TMEM245: variants seen among roughly 807,000 people sequenced by gnomAD.
The protein encoded by TMEM245 is protein CG-2.
Under a neutral mutation model 101.2 loss-of-function variants are expected in TMEM245, and 69 were observed. That is an observed-to-expected ratio of 0.68 (90% CI 0.56 to 0.83). The LOEUF is 0.83. TMEM245 is among the 40% of genes least tolerant of loss of function. TMEM245 has a pLI of 0.00. For missense variants in TMEM245, 1,075 were observed against 1,092.8 expected (o/e 0.98, Z 0.23); for synonymous variants, 537 against 449.8 (o/e 1.19, Z -2.45).
At chr9:109,041,747 C>T (rs769540798) in intron 14 of TMEM245, among the ~76,000 whole-genome samples, 4 of 151,894 alleles carry the variant, frequency 2.6e-5, no homozygotes, top group Admixed American at 1.3e-4. Flanking sequence ...AAAAATGGTA[C>T]GTGAAGTAAT....
In TMEM245 at chr9:109,033,306, C is replaced by A; in HGVS notation, c.2594+1G>T. 1 of 1,601,652 alleles carries A rather than the reference C, an allele frequency of 6.2e-7. No homozygotes were observed. Among genetic ancestry groups the A allele is most frequent in the Non-Finnish European group, 8.5e-7 (1 of 1,174,468 alleles). On this transcript the variant is annotated splice_donor_variant, in intron 17 of 17. Transcript: ENST00000374586. LOFTEE classifies it high-confidence loss of function. ...CTTATGATTATTCTGCTTTAACTCA[C>A]CGCTGAGGCTGAGCAGGCCATGGGG...
chr9:109,055,447 G>C (rs952311244), intron 12 of TMEM245, among the ~76,000 whole-genome samples: 2 of 152,110 alleles, frequency 1.3e-5, no homozygotes, highest in Non-Finnish European at 2.9e-5. Context: ...AGGATCACCA[G>C]ACAGGTAACA....
intron 3 of TMEM245, among the ~76,000 whole-genome samples, chr9:109,096,123 T>A (rs747937577): frequency 2.0e-5 from 3 of 152,200 alleles, no homozygotes; most frequent in Non-Finnish European, 4.4e-5. Flanking sequence ...AGAGAATATA[T>A]AGCAGAGCTG....
chr9:109,080,696 T>C (rs1409164268), intron 8 of TMEM245, 143 bp downstream of exon 8: 3 of 513,276 alleles, frequency 5.8e-6, no homozygotes, highest in Non-Finnish European at 1.0e-5. Flanking sequence ...ATTAGTAATA[T>C]ACAAATCATA....
chr9:109,023,150 G>T (rs1025557787), intron 17 of TMEM245, among the ~76,000 whole-genome samples: 1 of 152,212 alleles, frequency 6.6e-6, no homozygotes, highest in East Asian at 1.9e-4. Context: ...CAAGCTTAGA[G>T]ATCAGTTACT....
intron 17 of TMEM245, among the ~76,000 whole-genome samples, chr9:109,031,030 A>G (rs1827929981): frequency 6.6e-6 from 1 of 152,266 alleles, no homozygotes; most frequent in Non-Finnish European, 1.5e-5. Context: ...GTGTTTTCCA[A>G]TTGCAGATAA....
chr9:109,061,926 T>C (rs747972272), intron 10 of TMEM245, among the ~76,000 whole-genome samples: 25 of 151,944 alleles, frequency 1.6e-4, no homozygotes, highest in Non-Finnish European at 2.8e-4. Flanking sequence ...TTTTACATAG[T>C]TTTTAAGGAT....
chr9:109,049,855 C>A (rs372369429), intron 14 of TMEM245, among the ~76,000 whole-genome samples: 1 of 151,998 alleles, frequency 6.6e-6, no homozygotes, highest in Non-Finnish European at 1.5e-5. Context: ...AGCGCAGTGG[C>A]GTGATCACAG....
At chr9:109,040,490 T>C (rs918966321) in intron 14 of TMEM245, among the ~76,000 whole-genome samples, 6 of 152,296 alleles carry the variant, frequency 3.9e-5, no homozygotes, top group Non-Finnish European at 8.8e-5. Context: ...TGCCCTTCTA[T>C]TGTCAAACCC....
chr9:109,073,438 C>A lies in TMEM245; in HGVS notation c.1450G>T (p.Val484Leu). Residue 484 changes from valine (V) to leucine (L), a missense_variant and splice_region_variant, in exon 9 of 18, where the codon GTA becomes TTA. Val to Leu is a conservative substitution (Grantham distance 32). Around this residue, in one of 2 missense-constraint regions of TMEM245, gnomAD observed 808 missense variants for 741.5 expected, o/e 1.09. Transcript: ENST00000374586. ...LLLALLLTAKVHQESVHMIEV... is the reference protein window; with the variant it reads ...LLLALLLTAKLHQESVHMIEV... ...ATCATGTGTACACTCTCTTGATGTA[C>A]CTGTATTACAGATAAAGAAAGAAAA... is the stretch of plus-strand genomic sequence containing the variant. 6.3e-7 allele frequency: 1 copy of A among 1,596,762 alleles called. No individual in the cohort carries two copies. The highest frequency in any genetic ancestry group is 8.6e-7 in the Non-Finnish European group (1 of 1,167,728).
intron 15 of TMEM245, among the ~76,000 whole-genome samples, chr9:109,037,169 T>C (rs1410885442): frequency 1.3e-5 from 2 of 152,106 alleles, no homozygotes; most frequent in African/African-American, 2.4e-5. Flanking sequence ...GAAGGAAAAG[T>C]AGAAGAAGCA....
At chr9:109,064,764 C>A (rs989968124) in intron 9 of TMEM245, among the ~76,000 whole-genome samples, 197 bp from the exon 10 acceptor site, 1 of 152,114 alleles carries the variant, frequency 6.6e-6, no homozygotes, top group African/African-American at 2.4e-5. Context: ...TCCTTTCAAT[C>A]TTTCCTTAGC....
intron 5 of TMEM245, among the ~76,000 whole-genome samples, chr9:109,090,384 T>C (rs1829963645): frequency 6.6e-6 from 1 of 152,084 alleles, no homozygotes; most frequent in African/African-American, 2.4e-5. Context: ...TAATCTCAAA[T>C]ACTACATGAA....
At chr9:109,033,915 T>C (rs1258725914) in intron 16 of TMEM245, among the ~76,000 whole-genome samples, 2 of 152,260 alleles carry the variant, frequency 1.3e-5, no homozygotes, top group Non-Finnish European at 2.9e-5. Flanking sequence ...TGCTTTTATA[T>C]GACGACAGCA....
chr9:109,038,187 G>A (rs1241341045), intron 14 of TMEM245, 70 bp from the exon 15 acceptor site: 1 of 1,194,168 alleles, frequency 8.4e-7, no homozygotes, highest in Non-Finnish European at 1.2e-6. Flanking sequence ...AAAATCACGT[G>A]ACCACTTGAT....
chr9:109,114,722 C>G (rs990266406), intron 1 of TMEM245, among the ~76,000 whole-genome samples: 1 of 152,202 alleles, frequency 6.6e-6, no homozygotes, highest in Non-Finnish European at 1.5e-5. Context: ...TGAGGAAGAT[C>G]AGAATGCCCC....
intron 6 of TMEM245, among the ~76,000 whole-genome samples, chr9:109,086,813 T>C (rs537142559): frequency 1.3e-5 from 2 of 152,222 alleles, no homozygotes; most frequent in Middle Eastern, 3.2e-3. Context: ...ATACAGTATC[T>C]GACATATGGT....
At chr9:109,099,703 G>A (rs771913691) in intron 3 of TMEM245, among the ~76,000 whole-genome samples, 13 of 152,182 alleles carry the variant, frequency 8.5e-5, no homozygotes, top group Non-Finnish European at 1.5e-4. Context: ...CAATGCTAGT[G>A]TACCTCTTTC....
intron 1 of TMEM245, among the ~76,000 whole-genome samples, chr9:109,114,493 A>C (rs1169534909): frequency 7.3e-6 from 1 of 137,454 alleles, no homozygotes; most frequent in African/African-American, 2.6e-5. Context: ...AATGTCCCAG[A>C]GGAGGGCCCT....
Sources: allele counts gnomAD v4.1 joint callset (sites outside exome capture counted in the v4.1 genomes callset), GRCh38; gene constraint gnomAD v4.1.1; regional missense constraint gnomAD v4.1.1; transcripts MANE v1.5; gene names NCBI Gene and HGNC (gene_info 2026-07-23, HGNC 2026-07-21).